Variants in SYT14 observed in about 807,000 individuals in gnomAD.
The protein encoded by SYT14 is synaptotagmin-14.
Under a neutral mutation model 74.2 loss-of-function variants are expected in SYT14, and 32 were observed. That is an observed-to-expected ratio of 0.43 (90% CI 0.33 to 0.58). The LOEUF (loss-of-function observed/expected upper bound fraction) is 0.58, where lower values mean the gene tolerates loss of function less well. Ranked by LOEUF, SYT14 falls within the 20% of genes least tolerant of loss-of-function variation. SYT14 has a pLI of 0.05. For missense variants in SYT14, 791 were observed against 981.8 expected, an observed-to-expected ratio of 0.81 and a Z score of 2.60; for synonymous variants, 298 against 337.7, an observed-to-expected ratio of 0.88 and a Z score of 1.29.
chr1:210,002,470 T>TA (rs2079918233), intron 2 of SYT14, among the ~76,000 whole-genome samples: 2 of 152,144 alleles, frequency 1.3e-5, no homozygotes, highest in African/African-American at 4.8e-5. Context: ...TTTTTGCATG[T>TA]AACTATTATT....
chr1:210,021,217 G>T, exon 5 of SYT14: 1 of 1,614,004 alleles, frequency 6.2e-7, no homozygotes, highest in Non-Finnish European at 8.5e-7. Context: ...TATCGGCAGA[G>T]TATGATGGAT....
intron 7 of SYT14, among the ~76,000 whole-genome samples, chr1:210,151,517 T>C: frequency 7.1e-6 from 1 of 140,890 alleles, no homozygotes. Flanking sequence ...CCCCCCCTTT[T>C]TTTTTTTTTT....
intron 5 of SYT14, among the ~76,000 whole-genome samples, chr1:210,053,855 TCTC>T (rs2081047487): frequency 6.6e-6 from 1 of 152,174 alleles, no homozygotes; most frequent in African/African-American, 2.4e-5. Context: ...TTTTTTACTT[TCTC>T]ATTTTGGTAT....
At chr1:209,953,678 A>T (rs1396689612) in intron 2 of SYT14, among the ~76,000 whole-genome samples, 1 of 152,216 alleles carries the variant, frequency 6.6e-6, no homozygotes, top group African/African-American at 2.4e-5. Context: ...AGACTTGAAA[A>T]AATTTTTAAT....
intron 5 of SYT14, among the ~76,000 whole-genome samples, chr1:210,056,623 G>A (rs543688207): frequency 4.9e-4 from 67 of 137,520 alleles, no homozygotes; most frequent in African/African-American, 1.7e-3. Flanking sequence ...AAACCATCCT[G>A]GCTAACATGA....
At chr1:209,973,417 T>C (rs754712176) in intron 2 of SYT14, among the ~76,000 whole-genome samples, 3 of 152,018 alleles carry the variant, frequency 2.0e-5, no homozygotes, top group Admixed American at 6.5e-5. Context: ...TGTGTCCACA[T>C]GTTCTTATTG....
intron 7 of SYT14, among the ~76,000 whole-genome samples, chr1:210,145,574 A>G (rs1558220500): frequency 6.6e-6 from 1 of 152,230 alleles, no homozygotes; most frequent in Non-Finnish European, 1.5e-5. Flanking sequence ...CTAGTGGGAA[A>G]GACAGACAAA....
chr1:210,072,103 ATAAT>A (rs1304697812), intron 5 of SYT14, among the ~76,000 whole-genome samples: 2 of 149,838 alleles, frequency 1.3e-5, no homozygotes, highest in African/African-American at 4.9e-5. Context: ...ATTTTTTAAA[ATAAT>A]TAGCTGATTA....
chr1:209,970,812 T>C (rs1321557508), intron 2 of SYT14, among the ~76,000 whole-genome samples: 1 of 151,362 alleles, frequency 6.6e-6, no homozygotes, highest in Non-Finnish European at 1.5e-5. Context: ...CCTCCTGTAC[T>C]GGGATTACAG....
At chr1:209,982,051 C>G (rs1396866670) in intron 2 of SYT14, among the ~76,000 whole-genome samples, 1 of 151,916 alleles carries the variant, frequency 6.6e-6, no homozygotes, top group Non-Finnish European at 1.5e-5. Context: ...TGCATTATTC[C>G]CTCAGTTATG....
chr1:210,037,210 G>T (rs555891391), intron 5 of SYT14, among the ~76,000 whole-genome samples: 7 of 152,004 alleles, frequency 4.6e-5, no homozygotes, highest in Non-Finnish European at 7.4e-5. Flanking sequence ...TTTCTAGTAT[G>T]TAAGTGTAGA....
chr1:209,996,973 A>C (rs1056309100), intron 2 of SYT14, among the ~76,000 whole-genome samples: 1 of 152,194 alleles, frequency 6.6e-6, no homozygotes, highest in South Asian at 2.1e-4. Flanking sequence ...CCTCAAAATA[A>C]TGAGTCATCT....
chr1:210,126,212 A>G (rs1402222133), intron 7 of SYT14, among the ~76,000 whole-genome samples: 2 of 152,130 alleles, frequency 1.3e-5, no homozygotes, highest in Non-Finnish European at 2.9e-5. Context: ...AAGAAAAAAA[A>G]AAACAGAAAG....
intron 7 of SYT14, among the ~76,000 whole-genome samples, chr1:210,112,244 G>A (rs2082277052): frequency 6.6e-6 from 1 of 151,206 alleles, no homozygotes; most frequent in African/African-American, 2.5e-5. Context: ...GTCCTGGGCA[G>A]GGGCAAATCC....
intron 2 of SYT14, among the ~76,000 whole-genome samples, chr1:209,977,877 C>T (rs2079398325): frequency 6.6e-6 from 1 of 152,132 alleles, no homozygotes; most frequent in South Asian, 2.1e-4. Flanking sequence ...TCACATAGTC[C>T]CATATTTCTT....
At chr1:209,944,749 T>G (rs1025196868) in intron 1 of SYT14, among the ~76,000 whole-genome samples, 4 of 151,368 alleles carry the variant, frequency 2.6e-5, no homozygotes, top group African/African-American at 7.3e-5. Flanking sequence ...AGTTTTTTGT[T>G]TTTTTTTTCC....
At chr1:210,139,584 C>G (rs906037958) in intron 7 of SYT14, among the ~76,000 whole-genome samples, 3 of 152,066 alleles carry the variant, frequency 2.0e-5, no homozygotes, top group African/African-American at 7.2e-5. Context: ...GCAGCCATCA[C>G]CATGATTTAA....
exon 4 of SYT14, chr1:210,016,677 A>G: frequency 3.2e-6 from 4 of 1,231,886 alleles, no homozygotes; most frequent in Non-Finnish European, 4.0e-6. Context: ...TGTAAAAAGG[A>G]GGAATATTCT....
rs557361670 is a variant in SYT14 at position 210,108,290 on chromosome 1, A to G, written c.2034+7829A>G. Among the ~76,000 whole-genome samples, 24 of 152,266 alleles carry G rather than the reference A, an allele frequency of 1.6e-4. No individual in the cohort carries two copies. In the East Asian group the frequency reaches 3.1e-3, roughly 20 times the overall value. On this transcript the variant is annotated intron_variant, in intron 7 of 9. Coordinates refer to ENST00000637265, the Ensembl canonical transcript of SYT14. Reference sequence around the variant, plus strand: ...GAGGTAAAGTAGGAAGAAAGAGGCAATAAGAGATCATGAAAGCCAAGAATG... The same window carrying G: ...GAGGTAAAGTAGGAAGAAAGAGGCAGTAAGAGATCATGAAAGCCAAGAATG...
Sources: allele counts gnomAD v4.1 joint callset (sites outside exome capture counted in the v4.1 genomes callset), GRCh38; gene constraint gnomAD v4.1.1; transcripts MANE v1.5; gene names NCBI Gene and HGNC (gene_info 2026-07-23, HGNC 2026-07-21).